Variants in ALG11 observed in about 807,000 individuals in gnomAD.
ALG11 encodes GDP-Man:Man(3)GlcNAc(2)-PP-Dol alpha-1,2-mannosyltransferase.
A neutral mutation model predicts 38.8 loss-of-function variants in ALG11; 26 were observed. The observed-to-expected ratio is 0.67, with a 90% CI of 0.49 to 0.93. ALG11 has a LOEUF of 0.93. Ranked by LOEUF, ALG11 falls within the 40% of genes least tolerant of loss-of-function variation. The pLI is 0.00. For missense variants in ALG11, 535 were observed against 578.8 expected (o/e 0.92, Z 0.78); for synonymous variants, 199 against 211.6 (o/e 0.94, Z 0.52).
At position 52,024,389 on chromosome 13, in the gene ALG11, C is replaced by T. The variant is rs769091080; in HGVS notation, c.659C>T (p.Ala220Val). The T allele has an allele frequency of 6.2e-6, 10 of 1,613,584 alleles. No individual in the cohort carries two copies. In the African/African-American group the frequency reaches 1.2e-4, roughly 19 times the overall value. ...VKNQNIGFNN[A>V]AFITRNPFLS... The stretch of plus-strand genomic sequence containing the variant: ...AATCAAAATATTGGATTTAATAATG[C>T]AGCCTTCATTACCAGGAATCCTTTT... Residue 220 changes from alanine to valine, a missense_variant, in exon 3 of 4, where the codon GCA becomes GTA. Physicochemically the swap from Ala to Val is moderately conservative, Grantham distance 64. Transcript: ENST00000521508.
intron 1 of ALG11, chr13:52,016,434 CCTT>C (rs1954135112): frequency 6.6e-6 from 1 of 152,242 alleles, no homozygotes; most frequent in African/African-American, 2.4e-5. Context: ...ATGTCGGAGA[CCTT>C]CATGGCAGCC....
rs1248265912 is a variant in ALG11 at position 52,028,355 on chromosome 13, T to C, written c.1244T>C (p.Leu415Pro). 6.2e-7 allele frequency: 1 copy of C among 1,614,212 alleles called. No individual in the cohort carries two copies. Among genetic ancestry groups the C allele is most frequent in the African/African-American group, 1.3e-5 (1 of 75,064 alleles). The change falls in exon 4 of 4, where the codon CTT becomes CCT. Residue 415 changes from leucine to proline, a missense_variant. Transcript: ENST00000521508. Reference sequence around the variant, plus strand: ...TGTATGGCAGCTGGCACAATTATCCTTGCACACAATTCGGGGGGCCCAAAG... The same window carrying C: ...TGTATGGCAGCTGGCACAATTATCCCTGCACACAATTCGGGGGGCCCAAAG... ...VECMAAGTII[L>P]AHNSGGPKLD...
At chr13:52,027,941 T>A (rs1435816206) in intron 3 of ALG11, among the ~76,000 whole-genome samples, 1 of 152,232 alleles carries the variant, frequency 6.6e-6, no homozygotes, top group African/African-American at 2.4e-5. Flanking sequence ...TAGTCTTCCA[T>A]CTACTTGTCT....
intron 3 of ALG11, among the ~76,000 whole-genome samples, chr13:52,028,100 A>G (rs1954259143): frequency 6.6e-6 from 1 of 152,196 alleles, no homozygotes; most frequent in Non-Finnish European, 1.5e-5. Context: ...CTCTTAAAAA[A>G]AAAAAAGTGA....
chr13:52,018,773 G>A (rs774892968), intron 1 of ALG11, 140 bp from the exon 2 acceptor site: 2 of 732,854 alleles, frequency 2.7e-6, no homozygotes, highest in South Asian at 3.5e-5. Flanking sequence ...TCATACTTGA[G>A]TATTTTGTTA....
Position 52,012,577 on chromosome 13 carries a change from A to G in ALG11, c.44+115A>G, listed in dbSNP as rs181607305. 1.0e-5 allele frequency: 14 copies of G among 1,404,310 alleles called. No individual in the cohort carries two copies. In the African/African-American group the frequency reaches 2.0e-4, roughly 20 times the overall value. 87.0% of individuals were successfully genotyped at this position (1,404,310 alleles called of 1,614,324 possible). A position where few individuals can be genotyped will look rare whatever the true frequency, so the allele number is the denominator to read the frequency against. ...GCCTTCCTTGTCATGAATCTAAGGT[A>G]ATTTCTCAGGCCAATGAGCAGTCTT... On this transcript the variant is annotated intron_variant, in intron 1 of 3. Coordinates refer to ENST00000521508, the MANE Select transcript of ALG11 (RefSeq NM_001004127.3).
At position 52,028,460 on chromosome 13, in the gene ALG11, C is replaced by T. The variant is rs757069433; in HGVS notation, c.1349C>T (p.Ala450Val). The change falls in exon 4 of 4, where the codon GCT becomes GTT. Residue 450 changes from alanine to valine, a missense_variant. Physicochemically the swap from Ala to Val is moderately conservative, Grantham distance 64. Coordinates refer to ENST00000521508, the MANE Select transcript of ALG11 (RefSeq NM_001004127.3). ...GAAGAAGACTATGCTGAAACTATCG[C>T]TCACATTCTTTCCATGTCTGCAGAA... is the stretch of plus-strand genomic sequence containing the variant. ...ESEEDYAETI[A>V]HILSMSAEKR... The T allele has an allele frequency of 7.4e-5, 119 of 1,614,062 alleles. 3 individuals are homozygous for T. The South Asian group carries it at 1.3e-3, about 17-fold the overall frequency.
Position 52,030,033 on chromosome 13 carries a change from GA to G in ALG11, c.*1444del. 6.2e-7 allele frequency: 1 copy of G among 1,614,078 alleles called. No individual in the cohort carries two copies. Among genetic ancestry groups the G allele is most frequent in the Non-Finnish European group, 8.5e-7 (1 of 1,179,886 alleles). On this transcript the variant is annotated 3_prime_UTR_variant, in exon 4 of 4. Coordinates refer to ENST00000521508, the MANE Select transcript of ALG11 (RefSeq NM_001004127.3). ...GTTTCTGCAAGTGAGGCAGAAGAAA[GA>G]CCAGTGGCAGAGGAAGAAATTTTGT...
rs36065613 is a variant in ALG11 at position 52,022,698 on chromosome 13, G to GT, written c.276-1291dup. 6.0e-3 allele frequency: 769 copies of GT among 128,304 alleles called. 3 individuals carry two copies. Among genetic ancestry groups the GT allele is most frequent in the Admixed American group, 0.011 (136 of 12,698 alleles). The allele number at this position is 128,304 out of a possible 1,614,324, so 7.9% of individuals were successfully genotyped here. A position where few individuals can be genotyped will look rare whatever the true frequency, so the allele number is the denominator to read the frequency against. ...TCATTACTAGATGCTTAATAAATTT[G>GT]TTTTTTTTTTTTTTTTTCAGATGGA... is the stretch of plus-strand genomic sequence containing the variant. On this transcript the variant is annotated intron_variant, in intron 2 of 3. Coordinates refer to ENST00000521508, the MANE Select transcript of ALG11 (RefSeq NM_001004127.3).
In ALG11 at chr13:52,031,388, A is replaced by G; in HGVS notation, c.*2798A>G. ...TTTCCTTAAAAAAGAAATTTTAAAC[A>G]GACTTGTTTAATCGTGTTCTCAAAG... is the stretch of plus-strand genomic sequence containing the variant. On this transcript the variant is annotated 3_prime_UTR_variant, in exon 4 of 4. Coordinates refer to ENST00000521508, the MANE Select transcript of ALG11 (RefSeq NM_001004127.3). 1 of 410,290 alleles carries G rather than the reference A, an allele frequency of 2.4e-6. No individual in the cohort carries two copies. The highest frequency in any genetic ancestry group is 4.5e-6 in the Non-Finnish European group (1 of 224,018). The allele number at this position is 410,290 out of a possible 1,614,324, so 25.4% of individuals were successfully genotyped here.
Position 52,031,096 on chromosome 13 carries a change from A to G in ALG11, c.*2506A>G. 6.2e-7 allele frequency: 1 copy of G among 1,609,648 alleles called. No individual in the cohort carries two copies. The highest frequency in any genetic ancestry group is 8.5e-7 in the Non-Finnish European group (1 of 1,177,528). Reference sequence around the variant, plus strand: ...TCACCACACGTCACAATAAAGAAGAAAAACTGTAGGTTGTGTAGCTGGAGA... The same window carrying G: ...TCACCACACGTCACAATAAAGAAGAGAAACTGTAGGTTGTGTAGCTGGAGA... On this transcript the variant is annotated 3_prime_UTR_variant, in exon 4 of 4. Transcript: ENST00000521508.
Sources: allele counts gnomAD v4.1 joint callset (sites outside exome capture counted in the v4.1 genomes callset), GRCh38; gene constraint gnomAD v4.1.1; transcripts MANE v1.5; gene names NCBI Gene and HGNC (gene_info 2026-07-23, HGNC 2026-07-21).